Variants in ESRRG observed in about 807,000 individuals in gnomAD.
The protein encoded by ESRRG is estrogen-related receptor gamma.
Under a neutral mutation model 44.0 loss-of-function variants are expected in ESRRG, and 13 were observed. That is an observed-to-expected ratio of 0.30 (90% CI 0.19 to 0.47). The LOEUF (loss-of-function observed/expected upper bound fraction) is 0.47, where lower values mean the gene tolerates loss of function less well. Ranked by LOEUF, ESRRG falls within the 20% of genes least tolerant of loss-of-function variation. The pLI is 1.00. For synonymous variants in ESRRG, 215 were observed against 214.6 expected, an observed-to-expected ratio of 1.00 and a Z score of -0.02; for missense variants, 395 against 580.6, an observed-to-expected ratio of 0.68 and a Z score of 3.29.
chr1:216,985,219 T>C (rs1039185651), intron 1 of ESRRG, among the ~76,000 whole-genome samples: 1 of 152,204 alleles, frequency 6.6e-6, no homozygotes, highest in Non-Finnish European at 1.5e-5. Context: ...GAGATTCTTT[T>C]GAACAGCCTA....
At chr1:217,094,122 C>A (rs945205551), upstream of ESRRG, among the ~76,000 whole-genome samples, 10 of 152,076 alleles carry the variant, frequency 6.6e-5, no homozygotes, top group African/African-American at 2.4e-4. Context: ...TGGCCTCAGG[C>A]AATCCTCCTG....
intron 5 of ESRRG, 96 bp from the exon 6 acceptor site, chr1:216,519,517 C>T (rs2045416352): frequency 3.4e-6 from 4 of 1,168,874 alleles, no homozygotes; most frequent in South Asian, 1.5e-5. Context: ...CATCAGTGCT[C>T]AAAATTATGC....
intron 2 of ESRRG, among the ~76,000 whole-genome samples, chr1:216,844,125 T>C (rs2095699107): frequency 1.3e-5 from 2 of 152,118 alleles, no homozygotes; most frequent in Non-Finnish European, 2.9e-5. Context: ...CTGCTTCTCT[T>C]TCCTTCCAGC....
chr1:216,650,342 C>A (rs2068641691), intron 3 of ESRRG, among the ~76,000 whole-genome samples: 1 of 152,126 alleles, frequency 6.6e-6, no homozygotes, highest in Non-Finnish European at 1.5e-5. Flanking sequence ...GGACCTTTGA[C>A]ATGTGTGGAA....
intron 3 of ESRRG, among the ~76,000 whole-genome samples, chr1:216,587,406 G>C (rs746720664): frequency 1.1e-4 from 16 of 152,146 alleles, no homozygotes; most frequent in African/African-American, 3.6e-4. Flanking sequence ...ATCTGAAACC[G>C]GGTTTCATGG....
intron 1 of ESRRG, among the ~76,000 whole-genome samples, chr1:216,959,905 A>C (rs1163523371): frequency 6.6e-6 from 1 of 152,158 alleles, no homozygotes; most frequent in East Asian, 1.9e-4. Context: ...GCACTTACTG[A>C]GAAACTGTTA....
chr1:216,897,617 G>T (rs914113474), intron 2 of ESRRG, among the ~76,000 whole-genome samples: 2 of 152,206 alleles, frequency 1.3e-5, no homozygotes, highest in Admixed American at 1.3e-4. Flanking sequence ...GAGCAAAGGA[G>T]AGCAGGAGAT....
intron 2 of ESRRG, among the ~76,000 whole-genome samples, chr1:216,842,686 G>T (rs909387429): frequency 3.9e-5 from 6 of 152,144 alleles, no homozygotes; most frequent in Non-Finnish European, 7.4e-5. Context: ...AGATCAACCT[G>T]CCCATTTTAC....
At chr1:216,601,302 G>A (rs868285364) in intron 3 of ESRRG, among the ~76,000 whole-genome samples, 7 of 152,086 alleles carry the variant, frequency 4.6e-5, no homozygotes, top group African/African-American at 1.7e-4. Context: ...GACTCCCAGG[G>A]ACTTCCTGGG....
chr1:216,795,365 C>T (rs141867076), intron 2 of ESRRG, among the ~76,000 whole-genome samples: 2,288 of 120,616 alleles, frequency 0.019, 69 homozygotes, highest in African/African-American at 0.067. Flanking sequence ...TTTTTTTGAG[C>T]CAGAGTCTCA....
chr1:217,096,163 C>A (rs758786070), intron 1 of ESRRG, among the ~76,000 whole-genome samples: 1 of 152,260 alleles, frequency 6.6e-6, no homozygotes, highest in East Asian at 1.9e-4. Context: ...TCTGAAAAAA[C>A]CTATCCACCT....
rs77297388 is a variant in ESRRG, at chr1:217,078,823, G to C, written c.-106+10684C>G. On this transcript the variant is annotated intron_variant, in intron 1 of 7. Coordinates refer to the ESRRG transcript ENST00000359162. ...CTGAGGACAAAATAATGTAAGATCG[G>C]GTAGTCTGGTATCAACCTCTGCATT... 8.7e-3 allele frequency among the ~76,000 whole-genome samples: 1,320 copies of C among 152,196 alleles called. 29 individuals are homozygous for C. Among genetic ancestry groups the C allele is most frequent in the African/African-American group, 0.03 (1,243 of 41,524 alleles).
At chr1:216,542,237 T>G (rs2053116614) in intron 5 of ESRRG, among the ~76,000 whole-genome samples, 4 of 152,004 alleles carry the variant, frequency 2.6e-5, no homozygotes, top group Admixed American at 2.6e-4. Context: ...TCCTCTTTTT[T>G]GAACTATTTT....
intron 3 of ESRRG, among the ~76,000 whole-genome samples, chr1:216,622,719 A>G (rs1318718449): frequency 6.6e-6 from 1 of 152,150 alleles, no homozygotes; most frequent in African/African-American, 2.4e-5. Context: ...AACTCAGTTT[A>G]TAAGCTCAGA....
chr1:217,044,463 C>A (rs1199067404), intron 1 of ESRRG, among the ~76,000 whole-genome samples: 9 of 152,146 alleles, frequency 5.9e-5, no homozygotes, highest in Admixed American at 5.9e-4. Flanking sequence ...GTGACCCATT[C>A]CTGGAAATCT....
rs115867012 is a variant in ESRRG, at chr1:216,791,100, T to C, written c.-13-113609A>G. 7.3e-3 allele frequency among the ~76,000 whole-genome samples: 1,109 copies of C among 152,194 alleles called. 16 individuals carry two copies. Among genetic ancestry groups the C allele is most frequent in the African/African-American group, 0.025 (1,057 of 41,536 alleles). ...ACTCTGTATCACAGAGAACAACATA[T>C]CAGGGTGATAGAATCTGGGTATTTT... On this transcript the variant is annotated intron_variant, in intron 2 of 7. Coordinates refer to the ESRRG transcript ENST00000359162.
At chr1:216,523,562 C>T (rs958037525) in intron 5 of ESRRG, among the ~76,000 whole-genome samples, 2 of 148,872 alleles carry the variant, frequency 1.3e-5, no homozygotes, top group East Asian at 4.0e-4. Context: ...ACAAAAAAGG[C>T]TAAGCATTTG....
intron 3 of ESRRG, among the ~76,000 whole-genome samples, chr1:216,592,263 C>T (rs1374450822): frequency 6.6e-6 from 1 of 152,176 alleles, no homozygotes; most frequent in African/African-American, 2.4e-5. Flanking sequence ...CTTAGAATTT[C>T]CAGTAATCCT....
chr1:216,609,129 T>C (rs1299400354), intron 3 of ESRRG, among the ~76,000 whole-genome samples: 1 of 152,258 alleles, frequency 6.6e-6, no homozygotes. Flanking sequence ...TCATACCAGC[T>C]GTGCTTGTTA....
Sources: gnomAD v4.1 joint callset for allele counts (sites outside exome capture counted in the v4.1 genomes callset) on GRCh38, gnomAD v4.1.1 for gene constraint, MANE v1.5 for transcripts, NCBI Gene and HGNC (gene_info 2026-07-23, HGNC 2026-07-21) for gene names.